Variants in LIMS2 observed in about 807,000 individuals in gnomAD.
LIMS2 encodes LIM and senescent cell antigen-like-containing domain protein 2.
LIMS2 carries 30 observed loss-of-function variants against 45.3 expected under a neutral mutation model. That is an observed-to-expected ratio of 0.66 (90% CI 0.50 to 0.90). The LOEUF is 0.90. LIMS2 is among the 40% of genes least tolerant of loss of function. The probability of loss-of-function intolerance (pLI) is 0.00; values close to 1 mark genes in which losing one functional copy is unlikely to be tolerated. For missense variants in LIMS2, 485 were observed against 468.7 expected (o/e 1.03, Z -0.32); for synonymous variants, 173 against 188.0 (o/e 0.92, Z 0.65).
intron 4 of LIMS2, chr2:127,650,401 C>T (rs1683610474): frequency 1.9e-6 from 1 of 534,816 alleles, no homozygotes; most frequent in Non-Finnish European, 3.3e-6. Context: ...GCTCACGTCC[C>T]ATTCCCCGCC....
At chr2:127,668,703 AAAAAAAAACAC>A (rs1685147479) in intron 1 of LIMS2, among the ~76,000 whole-genome samples, 1 of 130,942 alleles carries the variant, frequency 7.6e-6, no homozygotes, top group African/African-American at 3.1e-5. Flanking sequence ...AAAAAAAAAA[AAAAAAAAACAC>A]CTTACTTAAA....
At chr2:127,652,933 A>G (rs372822715) in intron 4 of LIMS2, among the ~76,000 whole-genome samples, 1 of 152,150 alleles carries the variant, frequency 6.6e-6, no homozygotes, top group South Asian at 2.1e-4. Context: ...GATTTCCCCA[A>G]CCAGCCCTTG....
At position 127,650,198 on chromosome 2, in the gene LIMS2, G is replaced by A. The variant is rs553149182; in HGVS notation, c.359+4226C>T. The A allele has an allele frequency of 8.8e-5, 73 of 829,528 alleles. No individual in the cohort carries two copies. In the African/African-American group the frequency reaches 9.6e-4, roughly 11 times the overall value. The allele number at this position is 829,528 out of a possible 1,614,324, so 51.4% of individuals were successfully genotyped here. A position where few individuals can be genotyped will look rare whatever the true frequency, so the allele number is the denominator to read the frequency against. Reference sequence around the variant, plus strand: ...GGAAGCAGAAAGCGGTGACACCCCGGCCACTGCACCTGTGGGCAGGTGGGT... The same window carrying A: ...GGAAGCAGAAAGCGGTGACACCCCGACCACTGCACCTGTGGGCAGGTGGGT... On this transcript the variant is annotated intron_variant, in intron 4 of 9. Transcript: ENST00000355119.
Position 127,675,052 on chromosome 2 carries a change from G to A in LIMS2, c.-28C>T. On this transcript the variant is annotated 5_prime_UTR_variant, in exon 1 of 10. Coordinates refer to ENST00000355119, the MANE Select transcript of LIMS2 (RefSeq NM_001161403.3). ...TGGCAGCGACGCCGAGCCCTGGGTTGCCGGGGTTGCCGCGGGTCTCCCTCT... is the reference window on the plus strand; with the variant it reads ...TGGCAGCGACGCCGAGCCCTGGGTTACCGGGGTTGCCGCGGGTCTCCCTCT... The A allele has an allele frequency of 9.7e-7, 1 of 1,025,728 alleles. No homozygotes were observed. The highest frequency in any genetic ancestry group is 1.2e-6 in the Non-Finnish European group (1 of 808,620). 63.5% of individuals were successfully genotyped at this position (1,025,728 alleles called of 1,614,324 possible).
In LIMS2 at chr2:127,650,627, G is replaced by A. The variant is rs1683647689; in HGVS notation, c.359+3797C>T. The A allele has an allele frequency of 3.4e-6, 3 of 874,660 alleles. No individual in the cohort carries two copies. The Admixed American group carries it at 6.8e-5, about 20-fold the overall frequency. The allele number at this position is 874,660 out of a possible 1,614,324, so 54.2% of individuals were successfully genotyped here. ...GAGCTTGAAAGTGGGAGGTTCTGAAGGCATTGGAGGCCTGACTTCTGGACT... is the reference window on the plus strand; with the variant it reads ...GAGCTTGAAAGTGGGAGGTTCTGAAAGCATTGGAGGCCTGACTTCTGGACT... On this transcript the variant is annotated intron_variant, in intron 4 of 9. Coordinates refer to ENST00000355119, the MANE Select transcript of LIMS2 (RefSeq NM_001161403.3).
At chr2:127,680,108 G>A (rs958999875), upstream of LIMS2, among the ~76,000 whole-genome samples, 6 of 152,212 alleles carry the variant, frequency 3.9e-5, no homozygotes, top group East Asian at 1.9e-4. Flanking sequence ...CGCCTCCTGC[G>A]AGACCAAAGT....
intron 2 of LIMS2, chr2:127,655,196 G>C: frequency 1.9e-6 from 1 of 516,646 alleles, no homozygotes; most frequent in Non-Finnish European, 3.5e-6. Flanking sequence ...AACAGGCTGG[G>C]GGCGAGGCGG....
intron 4 of LIMS2, chr2:127,650,790 AC>A: frequency 6.2e-7 from 1 of 1,613,894 alleles, no homozygotes; most frequent in Non-Finnish European, 8.5e-7. Context: ...CTCCCTGGCC[AC>A]GGCAGAGCAA....
upstream of LIMS2, among the ~76,000 whole-genome samples, chr2:127,679,866 G>T (rs1255308265): frequency 6.6e-6 from 1 of 152,162 alleles, no homozygotes; most frequent in Non-Finnish European, 1.5e-5. The surrounding 1 kb of genome is among the most constrained non-coding windows in gnomAD (Gnocchi z 5.3). Flanking sequence ...AGGCCTCAGG[G>T]TCTCCTGCCA....
At chr2:127,675,766 TC>T, upstream of LIMS2, among the ~76,000 whole-genome samples, 1 of 152,046 alleles carries the variant, frequency 6.6e-6, no homozygotes, top group Middle Eastern at 3.4e-3. Context: ...GGGCACTGAC[TC>T]CCTCCCGAGG....
chr2:127,638,471 A>AACAC lies in LIMS2; in HGVS notation c.*806_*809dup, dbSNP rs71737864. On this transcript the variant is annotated 3_prime_UTR_variant, in exon 10 of 10. Transcript: ENST00000355119. ...TGTGCAAGCGTGAGCCCAACAAACA[A>AACAC]ACACCAGGTCTGCGCTGGCCGAAGA... 0.01 allele frequency: 1,555 copies of AACAC among 150,962 alleles called. 15 individuals carry two copies. The highest frequency in any genetic ancestry group is 0.017 in the Non-Finnish European group (1,147 of 67,364). 9.4% of individuals were successfully genotyped at this position (150,962 alleles called of 1,614,324 possible). A position where few individuals can be genotyped will look rare whatever the true frequency, so the allele number is the denominator to read the frequency against.
intron 1 of LIMS2, among the ~76,000 whole-genome samples, chr2:127,668,371 T>A (rs1042157022): frequency 4.0e-5 from 6 of 149,968 alleles, no homozygotes; most frequent in South Asian, 2.1e-4. Flanking sequence ...AAAACAACTT[T>A]AAAAAAAAAC....
rs183607733 is a variant in LIMS2, at chr2:127,654,144, G to C, written c.359+280C>G. 5.9e-5 allele frequency among the ~76,000 whole-genome samples: 9 copies of C among 152,272 alleles called. No homozygotes were observed. The East Asian group carries it at 1.7e-3, about 29-fold the overall frequency. On this transcript the variant is annotated intron_variant, in intron 4 of 9. Coordinates refer to ENST00000355119, the MANE Select transcript of LIMS2 (RefSeq NM_001161403.3). ...GGTACAGGCAGGAGAAGGTGGACAG[G>C]TGGGGTCAGTAGATGGGGTGGCCAG...
At chr2:127,673,607 G>T in intron 1 of LIMS2, 1 of 1,471,722 alleles carries the variant, frequency 6.8e-7, no homozygotes, top group Non-Finnish European at 9.3e-7. Context: ...TCCCATTCCA[G>T]CCCCGCACCC....
chr2:127,650,065 G>C (rs1683567884), intron 4 of LIMS2: 1 of 1,606,082 alleles, frequency 6.2e-7, no homozygotes, highest in South Asian at 1.1e-5. Context: ...GAGAGATGCT[G>C]AAACTCTCAG....
rs953462895 is a variant in LIMS2 at position 127,653,921 on chromosome 2, C to A, written c.359+503G>T. Reference sequence around the variant, plus strand: ...ATGAACAGGGCTCACAGACAGAGGCCGGGCTGCACGGGATCTCAGAGCTAG... The same window carrying A: ...ATGAACAGGGCTCACAGACAGAGGCAGGGCTGCACGGGATCTCAGAGCTAG... On this transcript the variant is annotated intron_variant, in intron 4 of 9. Coordinates refer to ENST00000355119, the MANE Select transcript of LIMS2 (RefSeq NM_001161403.3). This position sits in a 1 kb window ranked among gnomAD's most constrained non-coding sequence, Gnocchi z 5.3. 6.6e-6 allele frequency among the ~76,000 whole-genome samples: 1 copy of A among 151,970 alleles called. No homozygotes were observed. The highest frequency in any genetic ancestry group is 1.5e-5 in the Non-Finnish European group (1 of 67,992).
intron 4 of LIMS2, chr2:127,650,641 G>C: frequency 8.5e-6 from 9 of 1,059,566 alleles, no homozygotes; most frequent in East Asian, 2.4e-5. Flanking sequence ...TTGGAGGCCT[G>C]ACTTCTGGAC....
intron 1 of LIMS2, among the ~76,000 whole-genome samples, chr2:127,670,961 A>T (rs1685245565): frequency 6.6e-6 from 1 of 152,226 alleles, no homozygotes; most frequent in Non-Finnish European, 1.5e-5. Flanking sequence ...CATCTCAGCA[A>T]GACATATGCA....
intron 4 of LIMS2, among the ~76,000 whole-genome samples, chr2:127,649,186 AG>A: frequency 6.6e-6 from 1 of 151,072 alleles, no homozygotes; most frequent in Non-Finnish European, 1.5e-5. Flanking sequence ...GAAGGAAGGA[AG>A]GAAGGAAGGA....
Sources: allele counts gnomAD v4.1 joint callset (sites outside exome capture counted in the v4.1 genomes callset), GRCh38; gene constraint gnomAD v4.1.1; non-coding constraint Gnocchi (gnomAD v3.1); transcripts MANE v1.5; gene names NCBI Gene and HGNC (gene_info 2026-07-23, HGNC 2026-07-21).